Variants in EPHA6 observed in about 807,000 individuals in gnomAD.
EPHA6 encodes ephrin type-A receptor 6.
A neutral mutation model predicts 112.0 loss-of-function variants in EPHA6; 50 were observed. The ratio of observed to expected loss-of-function variants is 0.45; its 90% CI spans 0.36 to 0.56. The LOEUF is 0.56. Among genes scored for constraint, EPHA6 ranks in the 20% least tolerant of loss-of-function variants. The pLI, the probability that EPHA6 is intolerant of heterozygous loss-of-function variation, is 0.00. For missense variants in EPHA6, 1,280 were observed against 1,417.4 expected (o/e 0.90, Z 1.56); for synonymous variants, 529 against 490.7 (o/e 1.08, Z -1.03).
At chr3:97,499,626 G>A (rs2092067234) in intron 10 of EPHA6, among the ~76,000 whole-genome samples, 1 of 152,118 alleles carries the variant, frequency 6.6e-6, no homozygotes, top group Non-Finnish European at 1.5e-5. Flanking sequence ...CTACAAAGCT[G>A]TAAAGCATAC....
intron 10 of EPHA6, among the ~76,000 whole-genome samples, chr3:97,491,049 C>A (rs1006453990): frequency 6.6e-6 from 1 of 152,180 alleles, no homozygotes; most frequent in African/African-American, 2.4e-5. Context: ...TCAAAGCCAG[C>A]AACAGAGTCT....
At chr3:97,640,651 A>G (rs1043012172) in intron 14 of EPHA6, among the ~76,000 whole-genome samples, 1 of 152,130 alleles carries the variant, frequency 6.6e-6, no homozygotes, top group East Asian at 1.9e-4. Context: ...GTGGTGGCGC[A>G]TGCCTGTAAT....
At chr3:96,931,727 C>T (rs981956893) in intron 2 of EPHA6, among the ~76,000 whole-genome samples, 9 of 152,214 alleles carry the variant, frequency 5.9e-5, no homozygotes, top group Non-Finnish European at 1.0e-4. Context: ...TCCACCCTGT[C>T]GCCATTGGCT....
At chr3:96,824,322 A>C (rs1395217262) in intron 1 of EPHA6, among the ~76,000 whole-genome samples, 1 of 151,882 alleles carries the variant, frequency 6.6e-6, no homozygotes, top group Non-Finnish European at 1.5e-5. Context: ...CCTTAAAATC[A>C]GATAAAATTT....
chr3:97,053,349 A>G (rs2045746998), intron 3 of EPHA6, among the ~76,000 whole-genome samples: 1 of 152,096 alleles, frequency 6.6e-6, no homozygotes, highest in African/African-American at 2.4e-5. Flanking sequence ...CTGTGAGATC[A>G]GATGTAGTAC....
At chr3:97,135,980 C>T (rs760582984) in intron 3 of EPHA6, among the ~76,000 whole-genome samples, 18 of 152,056 alleles carry the variant, frequency 1.2e-4, no homozygotes, top group East Asian at 1.9e-4. Context: ...ATTATATAGA[C>T]GGAGTCTTGG....
intron 2 of EPHA6, among the ~76,000 whole-genome samples, chr3:96,953,998 G>A (rs1214249490): frequency 6.6e-6 from 1 of 151,928 alleles, no homozygotes; most frequent in Non-Finnish European, 1.5e-5. Flanking sequence ...TCAGCCTCCT[G>A]TGTAGCTGGG....
intron 3 of EPHA6, among the ~76,000 whole-genome samples, chr3:97,199,502 T>G (rs2108494805): frequency 6.6e-6 from 1 of 152,264 alleles, no homozygotes; most frequent in East Asian, 1.9e-4. Context: ...CAGGTAATTC[T>G]GATTTGCCTG....
At chr3:97,580,559 T>A (rs2093427984) in intron 11 of EPHA6, among the ~76,000 whole-genome samples, 1 of 152,196 alleles carries the variant, frequency 6.6e-6, no homozygotes, top group Admixed American at 6.5e-5. Flanking sequence ...CTCAGTTTAA[T>A]GGCCTTTCAA....
At chr3:96,848,402 G>A (rs1008930293) in intron 1 of EPHA6, among the ~76,000 whole-genome samples, 16 of 152,050 alleles carry the variant, frequency 1.1e-4, no homozygotes, top group African/African-American at 3.1e-4. Context: ...TGAGGCGGGC[G>A]GATCACTTGA....
intron 5 of EPHA6, among the ~76,000 whole-genome samples, chr3:97,401,353 G>A (rs561398886): frequency 6.6e-6 from 1 of 151,728 alleles, no homozygotes; most frequent in African/African-American, 2.4e-5. Flanking sequence ...GTTCTATCAT[G>A]TTACTCATTA....
intron 3 of EPHA6, among the ~76,000 whole-genome samples, chr3:97,107,600 A>G (rs1165884498): frequency 1.3e-5 from 2 of 152,150 alleles, no homozygotes; most frequent in Non-Finnish European, 2.9e-5. Context: ...TTCTAACTTC[A>G]TGCTTGTCCC....
At chr3:97,287,570 A>G (rs2080517787) in intron 5 of EPHA6, among the ~76,000 whole-genome samples, 1 of 151,930 alleles carries the variant, frequency 6.6e-6, no homozygotes, top group African/African-American at 2.4e-5. Flanking sequence ...ATGTTGAGGT[A>G]TGTTGTTTAT....
chr3:96,907,883 A>G (rs1333962799), intron 2 of EPHA6, among the ~76,000 whole-genome samples: 1 of 151,978 alleles, frequency 6.6e-6, no homozygotes, highest in African/African-American at 2.4e-5. Flanking sequence ...TATGTTTATA[A>G]TAAACATTCA....
intron 5 of EPHA6, among the ~76,000 whole-genome samples, chr3:97,358,881 CT>C (rs1444181320): frequency 6.6e-6 from 1 of 152,082 alleles, no homozygotes; most frequent in East Asian, 1.9e-4. Context: ...ATCCCACTGA[CT>C]TCTGGCCTCC....
intron 3 of EPHA6, among the ~76,000 whole-genome samples, chr3:97,043,335 C>T (rs944205998): frequency 6.6e-6 from 1 of 152,082 alleles, no homozygotes. Flanking sequence ...CTGAGCTGCC[C>T]ATTCTCTCTT....
chr3:97,322,669 G>T (rs2082176652), intron 5 of EPHA6, among the ~76,000 whole-genome samples: 1 of 151,876 alleles, frequency 6.6e-6, no homozygotes. Context: ...AAAAAAACAA[G>T]ATTTATTCTG....
chr3:97,477,589 T>C (rs1288348980), intron 8 of EPHA6, among the ~76,000 whole-genome samples: 1 of 152,102 alleles, frequency 6.6e-6, no homozygotes, highest in Non-Finnish European at 1.5e-5. Context: ...TATTTTGTTG[T>C]ATGTAAAGTC....
At chr3:97,313,941 C>G (rs899992786) in intron 5 of EPHA6, among the ~76,000 whole-genome samples, 2 of 151,630 alleles carry the variant, frequency 1.3e-5, no homozygotes, top group Non-Finnish European at 3.0e-5. Flanking sequence ...GAGTCCTATT[C>G]AAGAAATCAT....
Sources: allele counts gnomAD v4.1 joint callset (sites outside exome capture counted in the v4.1 genomes callset), GRCh38; gene constraint gnomAD v4.1.1; transcripts MANE v1.5; gene names NCBI Gene and HGNC (gene_info 2026-07-23, HGNC 2026-07-21).